The following HIVEP1 variants were observed in gnomAD, a reference collection of about 807,000 sequenced individuals.
HIVEP1 encodes zinc finger protein 40.
A neutral mutation model predicts 180.0 loss-of-function variants in HIVEP1; 36 were observed. That is an observed-to-expected ratio of 0.20 (90% CI 0.15 to 0.26). HIVEP1 has a LOEUF of 0.26. Ranked by LOEUF, HIVEP1 falls within the 10% of genes least tolerant of loss-of-function variation. The pLI is 1.00. For missense variants in HIVEP1, 3,143 were observed against 3,268.7 expected (o/e 0.96, Z 0.94); for synonymous variants, 1,239 against 1,239.0 (o/e 1.00, Z 0.00).
intron 7 of HIVEP1, among the ~76,000 whole-genome samples, chr6:12,154,714 G>A (rs369083849): frequency 6.6e-6 from 1 of 152,074 alleles, no homozygotes; most frequent in African/African-American, 2.4e-5. Context: ...CTAGAAGACG[G>A]GTTGATGGGT....
intron 2 of HIVEP1, among the ~76,000 whole-genome samples, chr6:12,062,200 C>T (rs1308665041): frequency 6.6e-6 from 1 of 152,078 alleles, no homozygotes; most frequent in Admixed American, 6.6e-5. Context: ...TTCAGATTTA[C>T]TTAGAATTTA....
chr6:12,016,143 C>T (rs910671235), intron 2 of HIVEP1, among the ~76,000 whole-genome samples: 3 of 152,110 alleles, frequency 2.0e-5, no homozygotes. Flanking sequence ...CCATTACTTG[C>T]AGAAGTCAGA....
rs1047044912 is a variant in HIVEP1, at chr6:12,040,890, C to T, written c.40+25222C>T. Reference sequence around the variant, plus strand: ...GGGGAGTGAAGAGTGGTGGGGGGGACGTGCCACACACTTTTAAACAACCAG... The same window carrying T: ...GGGGAGTGAAGAGTGGTGGGGGGGATGTGCCACACACTTTTAAACAACCAG... On this transcript the variant is annotated intron_variant, in intron 2 of 8. Transcript: ENST00000379388. Among the ~76,000 whole-genome samples, 17 of 151,746 alleles carry T rather than the reference C, an allele frequency of 1.1e-4. No homozygotes were observed. In the East Asian group the frequency reaches 1.4e-3, roughly 12 times the overall value.
downstream of HIVEP1, among the ~76,000 whole-genome samples, chr6:12,167,632 T>A (rs1171053956): frequency 2.1e-5 from 2 of 96,678 alleles, no homozygotes; most frequent in African/African-American, 7.1e-5. Context: ...ATATACATGT[T>A]ATATATACAT....
At chr6:12,067,038 T>TC (rs1465814779) in intron 2 of HIVEP1, among the ~76,000 whole-genome samples, 4 of 152,176 alleles carry the variant, frequency 2.6e-5, no homozygotes, top group South Asian at 2.1e-4. Context: ...TAGTGTATTT[T>TC]CATCAGCAGA....
intron 2 of HIVEP1, among the ~76,000 whole-genome samples, chr6:12,079,974 A>G (rs1403134467): frequency 6.6e-6 from 1 of 151,516 alleles, no homozygotes; most frequent in Non-Finnish European, 1.5e-5. Flanking sequence ...CTATCTATCT[A>G]TCTATATCTG....
Position 12,122,414 on chromosome 6 carries a change from T to C in HIVEP1, c.2619T>C (p.Ala873=), listed in dbSNP as rs900134712. The C allele has an allele frequency of 1.9e-6, 3 of 1,614,240 alleles. No individual in the cohort carries two copies. In the East Asian group the frequency reaches 6.7e-5, roughly 36 times the overall value. Residue 873 remains alanine, a synonymous_variant, in exon 4 of 9, where the codon GCT becomes GCC. Coordinates refer to ENST00000379388, the MANE Select transcript of HIVEP1 (RefSeq NM_002114.4). ...AGTCATTTGATGACAAAATTGGCGC[T>C]TTCTATGATGATGTCTTTGTATCGG... ...GSQSFDDKIG[A]FYDDVFVSGP... is the part of the protein sequence containing the mutation.
chr6:12,108,893 C>T (rs1420402644), intron 3 of HIVEP1, among the ~76,000 whole-genome samples: 3 of 152,252 alleles, frequency 2.0e-5, no homozygotes, highest in Non-Finnish European at 2.9e-5. Flanking sequence ...GGAGCCCAGG[C>T]AGAGGAGGCG....
the HIVEP1 span, among the ~76,000 whole-genome samples, chr6:12,170,585 A>G: frequency 6.6e-6 from 1 of 152,210 alleles, no homozygotes; most frequent in Non-Finnish European, 1.5e-5. Context: ...AGCATAACAC[A>G]TAAGCAAATA....
chr6:12,198,283 A>C, the HIVEP1 span, among the ~76,000 whole-genome samples: 1 of 152,266 alleles, frequency 6.6e-6, no homozygotes, highest in Admixed American at 6.5e-5. Flanking sequence ...GATGAACAGC[A>C]TAGAGAACTA....
chr6:12,203,828 G>A, the HIVEP1 span, among the ~76,000 whole-genome samples: 2 of 152,184 alleles, frequency 1.3e-5, no homozygotes, highest in African/African-American at 4.8e-5. Context: ...TGTAATCCCA[G>A]CACTTTGGGG....
chr6:12,181,692 T>C, the HIVEP1 span, among the ~76,000 whole-genome samples: 1 of 152,198 alleles, frequency 6.6e-6, no homozygotes, highest in African/African-American at 2.4e-5. Flanking sequence ...ACCCAAATGC[T>C]GAAACATTGA....
chr6:12,167,517 G>C (rs1224063772), downstream of HIVEP1, among the ~76,000 whole-genome samples: 1 of 97,760 alleles, frequency 1.0e-5, no homozygotes, highest in Admixed American at 1.1e-4. Context: ...TTCAAAATAT[G>C]TATTTTGTAA....
chr6:12,111,180 G>C (rs1774867063), intron 3 of HIVEP1, among the ~76,000 whole-genome samples: 1 of 152,230 alleles, frequency 6.6e-6, no homozygotes, highest in African/African-American at 2.4e-5. Context: ...GCAAAAGTTT[G>C]AAGTATTGCA....
intron 7 of HIVEP1, among the ~76,000 whole-genome samples, chr6:12,144,657 TAACTC>T (rs1000574248): frequency 1.9e-4 from 29 of 152,132 alleles, no homozygotes; most frequent in Middle Eastern, 3.4e-3. Context: ...AATCTACAAA[TAACTC>T]AAACAAGTTT....
chr6:12,043,100 C>T (rs1171555051), intron 2 of HIVEP1, among the ~76,000 whole-genome samples: 2 of 152,160 alleles, frequency 1.3e-5, no homozygotes, highest in Non-Finnish European at 2.9e-5. Flanking sequence ...TGTTCCTGTG[C>T]TATACTCTTT....
At chr6:12,020,199 G>A in intron 2 of HIVEP1, 2 of 421,306 alleles carry the variant, frequency 4.7e-6, no homozygotes, top group South Asian at 3.6e-5. Flanking sequence ...CCTTGGCCCA[G>A]CGTTAAACCA....
intron 2 of HIVEP1, among the ~76,000 whole-genome samples, chr6:12,084,431 T>C (rs1040947396): frequency 6.6e-6 from 1 of 152,048 alleles, no homozygotes; most frequent in Non-Finnish European, 1.5e-5. Context: ...ATTGTAAAGG[T>C]GGGTTTACTC....
intron 3 of HIVEP1, among the ~76,000 whole-genome samples, chr6:12,090,845 GT>G (rs1180782644): frequency 6.9e-6 from 1 of 144,994 alleles, no homozygotes; most frequent in African/African-American, 2.5e-5. Flanking sequence ...TTTGGCAAGA[GT>G]TTTCAGAACA....
Sources: allele counts gnomAD v4.1 joint callset (sites outside exome capture counted in the v4.1 genomes callset), GRCh38; gene constraint gnomAD v4.1.1; transcripts MANE v1.5; gene names NCBI Gene and HGNC (gene_info 2026-07-23, HGNC 2026-07-21).